The following SAMMSON variants were observed in gnomAD, a reference collection of about 807,000 sequenced individuals.
SAMMSON encodes the protein survival associated mitochondrial melanoma specific oncogenic non-coding RNA, also known as long intergenic non-protein coding RNA 1212.
intron 9 of SAMMSON, among the ~76,000 whole-genome samples, chr3:70,366,463 T>G (rs1174340251): frequency 6.6e-6 from 1 of 150,656 alleles, no homozygotes; most frequent in East Asian, 1.9e-4. Context: ...CATGTCTGTT[T>G]TTTTGTTTTG....
At chr3:70,087,617 G>A (rs2067290610) in intron 4 of SAMMSON, among the ~76,000 whole-genome samples, 1 of 152,188 alleles carries the variant, frequency 6.6e-6, no homozygotes, top group Non-Finnish European at 1.5e-5. Context: ...TTCTGACTCA[G>A]TAGAAAACAT....
At chr3:70,107,115 G>C (rs1208463295) in intron 4 of SAMMSON, among the ~76,000 whole-genome samples, 2 of 152,170 alleles carry the variant, frequency 1.3e-5, no homozygotes, top group South Asian at 4.1e-4. Flanking sequence ...TTTAAACTAC[G>C]TAGAGGGGGA....
At chr3:70,407,840 C>T (rs1701188711) in intron 2 of SAMMSON, among the ~76,000 whole-genome samples, 1 of 152,244 alleles carries the variant, frequency 6.6e-6, no homozygotes, top group Non-Finnish European at 1.5e-5. Flanking sequence ...CCAGTGGGAG[C>T]TCTGACCCCA....
intron 3 of SAMMSON, among the ~76,000 whole-genome samples, chr3:70,031,175 C>T (rs1384058549): frequency 6.6e-6 from 1 of 152,020 alleles, no homozygotes; most frequent in African/African-American, 2.4e-5. Context: ...AAACAAAATG[C>T]AGTATATACA....
chr3:70,265,940 A>G (rs1174713572), intron 6 of SAMMSON, among the ~76,000 whole-genome samples: 3 of 152,148 alleles, frequency 2.0e-5, no homozygotes, highest in Non-Finnish European at 1.5e-5. Context: ...AGTTACCTCC[A>G]CCTGGTCTCC....
At chr3:70,246,393 G>T (rs1232583679) in intron 4 of SAMMSON, among the ~76,000 whole-genome samples, 1 of 151,978 alleles carries the variant, frequency 6.6e-6, no homozygotes, top group Non-Finnish European at 1.5e-5. Flanking sequence ...GACCAAGTAG[G>T]CTGCTTGGTA....
chr3:70,129,631 C>A (rs1266613929), intron 4 of SAMMSON, among the ~76,000 whole-genome samples: 1 of 152,078 alleles, frequency 6.6e-6, no homozygotes, highest in African/African-American at 2.4e-5. Flanking sequence ...TTCAATGATC[C>A]TGGGACTGCT....
chr3:70,178,035 G>A (rs573735975), intron 4 of SAMMSON, among the ~76,000 whole-genome samples: 36 of 152,248 alleles, frequency 2.4e-4, no homozygotes, highest in African/African-American at 5.1e-4. Context: ...TATGCCGAGC[G>A]TTATAGTTAG....
At chr3:70,268,474 CAAAAAAAAA>C (rs66482424) in intron 6 of SAMMSON, among the ~76,000 whole-genome samples, 2 of 96,616 alleles carry the variant, frequency 2.1e-5, no homozygotes, top group East Asian at 6.6e-4. Flanking sequence ...GACTCCGTCT[CAAAAAAAAA>C]AAAAAAAAAA....
At chr3:70,331,627 T>C (rs1440132228) in intron 7 of SAMMSON, among the ~76,000 whole-genome samples, 1 of 152,228 alleles carries the variant, frequency 6.6e-6, no homozygotes, top group Non-Finnish European at 1.5e-5. Flanking sequence ...ACTTTCACCA[T>C]GTTAAAATAT....
chr3:70,204,147 T>TTAGCATTTATAATGC (rs1176199595), intron 4 of SAMMSON, among the ~76,000 whole-genome samples: 7 of 152,296 alleles, frequency 4.6e-5, no homozygotes, highest in African/African-American at 1.7e-4. Context: ...ATAATAGATA[T>TTAGCATTTATAATGC]TAGCAATTAA....
chr3:70,282,639 C>A lies in SAMMSON; in HGVS notation n.675-8540C>A, dbSNP rs1367325787. On this transcript the variant is annotated intron_variant and non_coding_transcript_variant, in intron 6 of 9. Transcript: ENST00000642114. ...TTTCTTTCTAGATCTAAACATGGTT[C>A]TTGCCCTCATTTCATTCTGCTTCTG... Among the ~76,000 whole-genome samples the A allele has an allele frequency of 2.0e-5, 3 of 152,170 alleles. No homozygotes were observed. In the South Asian group the frequency reaches 6.2e-4, roughly 31 times the overall value.
intron 2 of SAMMSON, among the ~76,000 whole-genome samples, chr3:70,419,878 T>C (rs771342174): frequency 6.6e-6 from 1 of 152,230 alleles, no homozygotes; most frequent in Admixed American, 6.5e-5. Context: ...GACCTCGTGA[T>C]CTTCCTGCCT....
At chr3:70,299,287 A>G (rs1438730817) in intron 7 of SAMMSON, among the ~76,000 whole-genome samples, 2 of 151,768 alleles carry the variant, frequency 1.3e-5, no homozygotes, top group Admixed American at 6.6e-5. Context: ...AAAATATTGC[A>G]TAATCATATT....
At chr3:70,208,230 G>A (rs1400193256) in intron 4 of SAMMSON, among the ~76,000 whole-genome samples, 1 of 152,066 alleles carries the variant, frequency 6.6e-6, no homozygotes, top group Non-Finnish European at 1.5e-5. Flanking sequence ...CTTGGGAATT[G>A]CATTCCCATT....
chr3:70,080,417 T>C (rs1292124512), intron 4 of SAMMSON, among the ~76,000 whole-genome samples: 1 of 152,186 alleles, frequency 6.6e-6, no homozygotes, highest in Non-Finnish European at 1.5e-5. Flanking sequence ...AAGGACTAAA[T>C]GAGTTAAGGT....
At chr3:70,350,309 G>A (rs1269747737) in intron 7 of SAMMSON, among the ~76,000 whole-genome samples, 1 of 151,814 alleles carries the variant, frequency 6.6e-6, no homozygotes. Flanking sequence ...TTTGCATGTA[G>A]GTACATTGAA....
chr3:70,143,147 A>G (rs1167193096), intron 4 of SAMMSON, among the ~76,000 whole-genome samples: 2 of 152,162 alleles, frequency 1.3e-5, no homozygotes, highest in Non-Finnish European at 2.9e-5. Flanking sequence ...GTCAGTTAAT[A>G]TAATGGTCAA....
chr3:70,211,296 C>T, intron 4 of SAMMSON, among the ~76,000 whole-genome samples: 1 of 145,164 alleles, frequency 6.9e-6, no homozygotes, highest in Non-Finnish European at 1.5e-5. Flanking sequence ...CTTCCCTTCC[C>T]TTCCCTTTGC....
Sources: allele counts gnomAD v4.1 joint callset (sites outside exome capture counted in the v4.1 genomes callset), GRCh38; gene constraint gnomAD v4.1.1; transcripts MANE v1.5; gene names NCBI Gene and HGNC (gene_info 2026-07-23, HGNC 2026-07-21).